XDH: variants seen among roughly 807,000 people sequenced by gnomAD.
The protein encoded by XDH is xanthine dehydrogenase, also known as xanthine dehydrogenase/oxidase.
A neutral mutation model predicts 156.1 loss-of-function variants in XDH; 138 were observed. The observed-to-expected ratio is 0.88, with a 90% confidence interval of 0.77 to 1.02. The LOEUF (loss-of-function observed/expected upper bound fraction) is 1.02. Ranked by LOEUF, XDH falls within the 50% of genes least tolerant of loss-of-function variation. The probability of loss-of-function intolerance (pLI) is 0.00; values close to 1 mark genes in which losing one functional copy is unlikely to be tolerated. For synonymous variants in XDH, 669 were observed against 625.7 expected (o/e 1.07, Z -1.03); for missense variants, 1,849 against 1,684.9 (o/e 1.10, Z -1.71).
intron 35 of XDH, among the ~76,000 whole-genome samples, chr2:31,336,261 T>A (rs1455160516): frequency 6.6e-6 from 1 of 152,270 alleles, no homozygotes; most frequent in African/African-American, 2.4e-5. Flanking sequence ...ACAATACAGA[T>A]GTGATCCCTT....
intron 4 of XDH, among the ~76,000 whole-genome samples, chr2:31,400,774 G>T (rs974689391): frequency 6.6e-6 from 1 of 152,188 alleles, no homozygotes. Context: ...TACTATCTGC[G>T]GGTGGGAGGT....
At chr2:31,346,622 C>A in intron 30 of XDH, 147 bp downstream of exon 30, 1 of 984,788 alleles carries the variant, frequency 1.0e-6, no homozygotes, top group South Asian at 1.3e-5. Flanking sequence ...ATTTATTCAT[C>A]CTGTAAAATC....
At chr2:31,410,039 T>C (rs1326889110) in intron 1 of XDH, among the ~76,000 whole-genome samples, 1 of 152,212 alleles carries the variant, frequency 6.6e-6, no homozygotes, top group Non-Finnish European at 1.5e-5. Context: ...ATCCATACAA[T>C]GGAATATTAT....
intron 24 of XDH, among the ~76,000 whole-genome samples, chr2:31,360,366 G>A: frequency 6.6e-6 from 1 of 151,960 alleles, no homozygotes; most frequent in East Asian, 1.9e-4. Flanking sequence ...GGCGTGGTGG[G>A]GCAGGGCACT....
At chr2:31,370,862 C>T (rs1450428562) in intron 17 of XDH, among the ~76,000 whole-genome samples, 2 of 152,168 alleles carry the variant, frequency 1.3e-5, no homozygotes, top group Non-Finnish European at 2.9e-5. Flanking sequence ...GTGAAGAAGG[C>T]AGGCCAGGCC....
At chr2:31,378,130 G>GAA (rs1558696737) in intron 13 of XDH, among the ~76,000 whole-genome samples, 6 of 69,662 alleles carry the variant, frequency 8.6e-5, no homozygotes, top group African/African-American at 2.5e-4. Context: ...AAGGAAGGAA[G>GAA]GAAGGAAGGA....
intron 1 of XDH, among the ~76,000 whole-genome samples, chr2:31,411,266 G>A (rs1053185675): frequency 6.8e-6 from 1 of 146,466 alleles, no homozygotes. Flanking sequence ...GGGCGACACA[G>A]TGAAACCCTG....
In XDH at chr2:31,349,785, T is replaced by C. The variant is rs778960488; in HGVS notation, c.2870A>G (p.Asn957Ser). 28 of 1,614,036 alleles carry C rather than the reference T, an allele frequency of 1.7e-5. 1 individual carries two copies. Among genetic ancestry groups the C allele is most frequent in the African/African-American group, 9.3e-5 (7 of 74,906 alleles). Residue 957 changes from asparagine (N) to serine (S), a missense_variant, in exon 26 of 36, where the codon AAC becomes AGC. By Grantham distance (46) the Asn-to-Ser change is conservative. Coordinates refer to ENST00000379416, the MANE Select transcript of XDH (RefSeq NM_000379.4). ...LYKEGDLTHF[N>S]QKLEGFTLPR... ...CAAGGTGAAACCCTCAAGCTTCTGG[T>C]TGAAGTGTGTCAGGTCCCCTTCTTT...
chr2:31,383,214 A>C, intron 10 of XDH, 62 bp from the exon 11 acceptor site: 1 of 1,612,314 alleles, frequency 6.2e-7, no homozygotes, highest in East Asian at 2.2e-5. Context: ...GCTTTCATGC[A>C]CAGCTCCTCT....
At chr2:31,343,954 T>A (rs904192807) in intron 31 of XDH, among the ~76,000 whole-genome samples, 10 of 152,010 alleles carry the variant, frequency 6.6e-5, no homozygotes, top group Non-Finnish European at 1.2e-4. Context: ...AAACATTGAA[T>A]TATTTTCCAA....
chr2:31,347,405 G>A (rs1264820016), intron 29 of XDH, 117 bp downstream of exon 29: 63 of 1,486,772 alleles, frequency 4.2e-5, no homozygotes, highest in South Asian at 2.4e-4. Context: ...GGAGCCAGAG[G>A]CCTGGCCAGA....
chr2:31,414,697 T>C lies in XDH; in HGVS notation c.-31A>G, dbSNP rs1165929774. 1.2e-6 allele frequency: 2 copies of C among 1,613,888 alleles called. No homozygotes were observed. Among genetic ancestry groups the C allele is most frequent in the African/African-American group, 1.3e-5 (1 of 74,918 alleles). ...CAGGTTGGGGTCCCCGAACTCCAGGTACCTCACTCCTAAGAGACACTGGCA... is the reference window on the plus strand; with the variant it reads ...CAGGTTGGGGTCCCCGAACTCCAGGCACCTCACTCCTAAGAGACACTGGCA... On this transcript the variant is annotated 5_prime_UTR_variant, in exon 1 of 36. Coordinates refer to ENST00000379416, the MANE Select transcript of XDH (RefSeq NM_000379.4).
At chr2:31,409,193 A>T (rs747861487) in intron 1 of XDH, among the ~76,000 whole-genome samples, 1 of 152,232 alleles carries the variant, frequency 6.6e-6, no homozygotes, top group Non-Finnish European at 1.5e-5. Flanking sequence ...GTACAAAAAA[A>T]TAGAAAGAAT....
chr2:31,368,549 T>TA lies in XDH; in HGVS notation c.2091_2092insT (p.Thr698TyrfsTer3). 2 of 1,614,186 alleles carry TA rather than the reference T, an allele frequency of 1.2e-6. No individual in the cohort carries two copies. Among genetic ancestry groups the TA allele is most frequent in the Non-Finnish European group, 1.7e-6 (2 of 1,180,030 alleles). On this transcript the variant is annotated frameshift_variant, in exon 19 of 36. Transcript: ENST00000379416. LOFTEE classifies it high-confidence loss of function. ...AGCCCATTCTCAGTTACCTCAATTGTGATAATGGCTGGTAGTTCTTCATAG... is the reference window on the plus strand; with the variant it reads ...AGCCCATTCTCAGTTACCTCAATTGTAGATAATGGCTGGTAGTTCTTCATAG...
At position 31,335,813 on chromosome 2, in the gene XDH, C is replaced by T. The variant is rs577432266; in HGVS notation, c.*145G>A. 3.9e-5 allele frequency: 35 copies of T among 908,236 alleles called. No individual in the cohort carries two copies. In the East Asian group the frequency reaches 8.3e-4, roughly 22 times the overall value. 56.3% of individuals were successfully genotyped at this position (908,236 alleles called of 1,614,324 possible). ...CATTTTTGATCAAAATCTTCCATTG[C>T]ATTCACTTGTCTTCCAAATCCCATC... On this transcript the variant is annotated 3_prime_UTR_variant, in exon 36 of 36. Transcript: ENST00000379416.
chr2:31,349,685 CTTG>C lies in XDH; in HGVS notation c.2967_2969del (p.Asn989del), dbSNP rs1685407181. The stretch of plus-strand genomic sequence containing the variant: ...ACTGGACTTCTACTCCTAGTGCTTA[CTTG>C]TTGAACTTGTCAACCTCACTCTTCC... On this transcript the variant is annotated inframe_deletion and splice_region_variant, in exon 26 of 36. Transcript: ENST00000379416. 6.2e-7 allele frequency: 1 copy of C among 1,614,188 alleles called. No individual in the cohort carries two copies.
rs760186813 is a variant in XDH, at chr2:31,366,917, CT to C, written c.2274del (p.Glu760ArgfsTer12). On this transcript the variant is annotated frameshift_variant, in exon 21 of 36. Transcript: ENST00000379416. LOFTEE classifies it high-confidence loss of function. ...GTAGACACAAAGAGCTCCATCTCCCCTGCCTCGCCTTTTGGAACAGCAATGG... is the reference window on the plus strand; with the variant it reads ...GTAGACACAAAGAGCTCCATCTCCCCGCCTCGCCTTTTGGAACAGCAATGG... Reference protein sequence around the residue: ...HCTIAVPKGEAGEMELFVSTQ... With the variant: ...HCTIAVPKGEXGEMELFVSTQ... 15 of 1,614,136 alleles carry C rather than the reference CT, an allele frequency of 9.3e-6. No individual in the cohort carries two copies. In the Admixed American group the frequency reaches 2.5e-4, roughly 27 times the overall value.
chr2:31,386,095 T>C (rs1367331652), intron 9 of XDH, among the ~76,000 whole-genome samples: 1 of 152,152 alleles, frequency 6.6e-6, no homozygotes, highest in African/African-American at 2.4e-5. Context: ...AGGATCTCAT[T>C]TCACACCCAA....
At position 31,365,995 on chromosome 2, in the gene XDH, C is replaced by A; in HGVS notation, c.2437G>T (p.Val813Leu). 6.2e-7 allele frequency: 1 copy of A among 1,614,208 alleles called. No individual in the cohort carries two copies. Among genetic ancestry groups the A allele is most frequent in the African/African-American group, 1.3e-5 (1 of 75,076 alleles). Residue 813 changes from valine (V) to leucine (L), a missense_variant, in exon 22 of 36, where the codon GTG becomes TTG. Transcript: ENST00000379416. ...ACTCACTTATATGCAGCCAGGGCCA[C>A]TGCCGTGGACACCACAGTGCTCCGG... ...ETRSTVVSTA[V>L]ALAAYKTGRP...
Sources: gnomAD v4.1 joint callset for allele counts (sites outside exome capture counted in the v4.1 genomes callset) on GRCh38, gnomAD v4.1.1 for gene constraint, MANE v1.5 for transcripts, NCBI Gene and HGNC (gene_info 2026-07-23, HGNC 2026-07-21) for gene names.